RLIG1: variants seen among roughly 807,000 people sequenced by gnomAD.
RLIG1 encodes the protein RNA ligase 1.
At chr12:88,043,522 C>A in the RLIG1 span, 20 of 854,432 alleles carry the variant, frequency 2.3e-5, no homozygotes, top group Non-Finnish European at 3.4e-5. Context: ...AGTAGCTGTT[C>A]CCATTTTGAG....
At chr12:88,047,085 T>A in the RLIG1 span, 1 of 1,118,860 alleles carries the variant, frequency 8.9e-7, no homozygotes, top group Non-Finnish European at 1.3e-6. Flanking sequence ...TTATTTGCAG[T>A]AAAGAAATTT....
the RLIG1 span, among the ~76,000 whole-genome samples, chr12:88,043,261 T>C: frequency 1.3e-5 from 2 of 152,108 alleles, no homozygotes; most frequent in Non-Finnish European, 2.9e-5. Context: ...TAAATATCTG[T>C]AGTAGATACT....
chr12:88,048,067 A>G, the RLIG1 span, among the ~76,000 whole-genome samples: 1 of 152,078 alleles, frequency 6.6e-6, no homozygotes, highest in Non-Finnish European at 1.5e-5. Flanking sequence ...AAGATAGACA[A>G]TAAACAAATA....
the RLIG1 span, among the ~76,000 whole-genome samples, chr12:88,043,415 AAT>A: frequency 6.6e-6 from 1 of 152,116 alleles, no homozygotes; most frequent in Non-Finnish European, 1.5e-5. Flanking sequence ...TATGAAATTG[AAT>A]ATTTAAATTG....
At chr12:88,045,461 A>G in the RLIG1 span, 3 of 693,952 alleles carry the variant, frequency 4.3e-6, no homozygotes, top group East Asian at 8.2e-5. Flanking sequence ...TTAAAGTAAT[A>G]TCTCTTTGCG....
chr12:88,049,060 C>CTAAG, the RLIG1 span: 1 of 476,582 alleles, frequency 2.1e-6, no homozygotes, highest in Non-Finnish European at 3.7e-6. Flanking sequence ...GAATTCCAAT[C>CTAAG]TAAGTATAAA....
At chr12:88,045,289 T>G in the RLIG1 span, 1 of 232,018 alleles carries the variant, frequency 4.3e-6, no homozygotes, top group African/African-American at 2.3e-5. Flanking sequence ...TTTTGAGTGC[T>G]GTGTCTTAGA....
the RLIG1 span, chr12:88,047,003 G>A: frequency 1.3e-6 from 2 of 1,565,628 alleles, no homozygotes; most frequent in Non-Finnish European, 1.7e-6. Flanking sequence ...CTCCGGTGGG[G>A]TTATGTCATC....
At chr12:88,038,698 T>C in the RLIG1 span, among the ~76,000 whole-genome samples, 1 of 152,192 alleles carries the variant, frequency 6.6e-6, no homozygotes, top group Non-Finnish European at 1.5e-5. Flanking sequence ...GAGTATTTGT[T>C]GAACTTTATG....
the RLIG1 span, among the ~76,000 whole-genome samples, chr12:88,047,951 A>G: frequency 6.6e-6 from 1 of 152,104 alleles, no homozygotes; most frequent in African/African-American, 2.4e-5. Flanking sequence ...GATTCATAAC[A>G]TTTTATGGAG....
At chr12:88,048,199 G>A in the RLIG1 span, 2 of 1,459,876 alleles carry the variant, frequency 1.4e-6, no homozygotes, top group Non-Finnish European at 1.8e-6. Flanking sequence ...GATAGTATCT[G>A]TATGCTAAAG....
chr12:88,047,066 C>A, the RLIG1 span: 1 of 1,260,844 alleles, frequency 7.9e-7, no homozygotes, highest in Non-Finnish European at 1.1e-6. Flanking sequence ...CTACAAATGG[C>A]AGCAATTCTT....
At chr12:88,035,974 G>A in the RLIG1 span, 1 of 1,520,874 alleles carries the variant, frequency 6.6e-7, no homozygotes, top group Non-Finnish European at 8.8e-7. Context: ...TTCCTTATCA[G>A]GAGATTCAAA....
At chr12:88,049,643 T>C in the RLIG1 span, 1 of 361,412 alleles carries the variant, frequency 2.8e-6, no homozygotes, top group Non-Finnish European at 4.9e-6. Context: ...TTCTAGTCTT[T>C]GACTAAAATT....
chr12:88,048,408 A>ATAT, the RLIG1 span: 1 of 1,428,468 alleles, frequency 7.0e-7, no homozygotes, highest in African/African-American at 1.4e-5. Flanking sequence ...CAAAGATATA[A>ATAT]TATTTGATGT....
chr12:88,046,997 G>A, the RLIG1 span: 254 of 1,577,960 alleles, frequency 1.6e-4, no homozygotes, highest in Middle Eastern at 1.0e-3. Flanking sequence ...AAATAGCTCC[G>A]GTGGGGTTAT....
chr12:88,042,485 G>A, the RLIG1 span: 2,538 of 164,268 alleles, frequency 0.015, 28 homozygotes, highest in Admixed American at 0.022. Flanking sequence ...TTGGGGGGAA[G>A]GGGTGGGGTA....
the RLIG1 span, chr12:88,047,097 AT>A: frequency 9.7e-7 from 1 of 1,030,674 alleles, no homozygotes; most frequent in Non-Finnish European, 1.4e-6. Flanking sequence ...AAGAAATTTA[AT>A]TTTCTCATCC....
the RLIG1 span, among the ~76,000 whole-genome samples, chr12:88,047,358 A>T: frequency 6.6e-6 from 1 of 152,126 alleles, no homozygotes; most frequent in Non-Finnish European, 1.5e-5. Flanking sequence ...AGAATGAATT[A>T]TCTTATACTT....
Sources: allele counts gnomAD v4.1 joint callset (sites outside exome capture counted in the v4.1 genomes callset), GRCh38; gene constraint gnomAD v4.1.1; transcripts MANE v1.5; gene names NCBI Gene and HGNC (gene_info 2026-07-23, HGNC 2026-07-21).